Variants in PUM1 observed in about 807,000 individuals in gnomAD.
PUM1 encodes pumilio homolog 1.
Under a neutral mutation model 131.8 loss-of-function variants are expected in PUM1, and 13 were observed. The observed-to-expected ratio is 0.10, with a 90% CI of 0.06 to 0.16. The LOEUF is 0.16. Ranked by LOEUF, PUM1 falls within the 10% of genes least tolerant of loss-of-function variation. PUM1 has a pLI of 1.00. For synonymous variants in PUM1, 509 were observed against 556.5 expected, an observed-to-expected ratio of 0.91 and a Z score of 1.20; for missense variants, 961 against 1,512.4, an observed-to-expected ratio of 0.64 and a Z score of 6.05.
At chr1:30,946,709 A>C (rs888253260) in intron 17 of PUM1, among the ~76,000 whole-genome samples, 1 of 151,002 alleles carries the variant, frequency 6.6e-6, no homozygotes, top group Non-Finnish European at 1.5e-5. Flanking sequence ...AAAAAGATTC[A>C]AAGTACAGTT....
In PUM1 at chr1:30,981,272, C is replaced by T. The variant is rs756075445; in HGVS notation, c.1252+40G>A. 5.3e-6 allele frequency: 7 copies of T among 1,321,790 alleles called. 1 individual carries two copies. The South Asian group carries it at 7.0e-5, about 13-fold the overall frequency. 81.9% of individuals were successfully genotyped at this position (1,321,790 alleles called of 1,614,324 possible). A position where few individuals can be genotyped will look rare whatever the true frequency, so the allele number is the denominator to read the frequency against. On this transcript the variant is annotated intron_variant, in intron 8 of 21. Coordinates refer to ENST00000426105, the MANE Select transcript of PUM1 (RefSeq NM_001020658.2). ...GCAACCAGTTATCCTAAAATGGCGG[C>T]CACACCTATCATGAAAGAGCTATGG...
intron 19 of PUM1, 29 bp from the exon 20 acceptor site, chr1:30,941,301 A>G (rs1287070730): frequency 6.3e-7 from 1 of 1,599,064 alleles, no homozygotes; most frequent in Non-Finnish European, 8.5e-7. Context: ...GAGAAATAAA[A>G]TGTATGTGAA....
At chr1:31,001,509 A>C (rs906510916) in intron 5 of PUM1, among the ~76,000 whole-genome samples, 3 of 152,212 alleles carry the variant, frequency 2.0e-5, no homozygotes, top group African/African-American at 7.2e-5. Context: ...GGCACAGTTG[A>C]AAGCAATACA....
intron 1 of PUM1, among the ~76,000 whole-genome samples, chr1:31,063,896 C>G (rs2039649): frequency 0.28 from 42,715 of 151,818 alleles, 6,426 homozygotes; most frequent in Non-Finnish European, 0.34. Flanking sequence ...AACATGTTAT[C>G]TTGGGTAGTT....
Position 30,942,121 on chromosome 1 carries a change from T to C in PUM1, c.2997A>G (p.Val999=), listed in dbSNP as rs145738294. 2.0e-6 allele frequency: 3 copies of C among 1,529,110 alleles called. No homozygotes were observed. The highest frequency in any genetic ancestry group is 2.7e-6 in the Non-Finnish European group (3 of 1,129,928). The allele number at this position is 1,529,110 out of a possible 1,614,324, so 94.7% of individuals were successfully genotyped here. A position where few individuals can be genotyped will look rare whatever the true frequency, so the allele number is the denominator to read the frequency against. ...QFIIDAFKGQ[V]FALSTHPYGC... is the part of the protein sequence containing the mutation. The stretch of plus-strand genomic sequence containing the variant: ...CATAAGGATGTGTGGATAAGGCAAA[T>C]ACCTAAGGGTAGACAAACACAAATG... Residue 999 remains valine (V), a splice_region_variant and synonymous_variant, in exon 19 of 22, where the codon GTA becomes GTG. Transcript: ENST00000426105.
intron 5 of PUM1, among the ~76,000 whole-genome samples, chr1:31,004,026 T>C (rs1362506555): frequency 1.2e-4 from 18 of 152,214 alleles, no homozygotes; most frequent in Admixed American, 1.2e-3. Flanking sequence ...AGCAGCTCAG[T>C]AAATTATCTT....
At chr1:31,056,142 T>C (rs1644231282) in intron 2 of PUM1, among the ~76,000 whole-genome samples, 1 of 152,172 alleles carries the variant, frequency 6.6e-6, no homozygotes, top group Admixed American at 6.6e-5. Context: ...ACAGGTGTCC[T>C]ATCAAATGTA....
chr1:31,028,714 A>T (rs971999495), intron 3 of PUM1, 82 bp downstream of exon 3: 1 of 1,097,310 alleles, frequency 9.1e-7, no homozygotes, highest in Non-Finnish European at 1.4e-6. Flanking sequence ...TCTGGAGACT[A>T]GATTTGGACA....
intron 10 of PUM1, among the ~76,000 whole-genome samples, chr1:30,972,274 A>G (rs2377663): frequency 0.017 from 336 of 19,788 alleles, no homozygotes; most frequent in East Asian, 0.065. Flanking sequence ...AAAAGAAGGG[A>G]AGGGAAGGGA....
At chr1:31,060,573 T>C (rs1339468960) in intron 1 of PUM1, among the ~76,000 whole-genome samples, 3 of 152,110 alleles carry the variant, frequency 2.0e-5, no homozygotes, top group East Asian at 1.9e-4. Context: ...ATTGTGTAAT[T>C]TGAAAGGATC....
intron 7 of PUM1, 25 bp from the exon 8 acceptor site, chr1:30,981,430 G>T: frequency 1.4e-6 from 2 of 1,464,596 alleles, no homozygotes; most frequent in South Asian, 1.2e-5. Flanking sequence ...AAAACACGGT[G>T]TGGTTAGGGA....
intron 3 of PUM1, among the ~76,000 whole-genome samples, chr1:31,025,146 G>C (rs1027571564): frequency 1.3e-5 from 2 of 152,086 alleles, no homozygotes; most frequent in Non-Finnish European, 2.9e-5. Context: ...CTTGTACTAT[G>C]AGTCCTTCAG....
intron 6 of PUM1, among the ~76,000 whole-genome samples, chr1:30,993,650 G>GC (rs1641881183): frequency 6.6e-6 from 1 of 151,866 alleles, no homozygotes; most frequent in Non-Finnish European, 1.5e-5. Context: ...ACCACCACCA[G>GC]CCCCCATTTA....
intron 17 of PUM1, among the ~76,000 whole-genome samples, chr1:30,949,876 T>C (rs1213142680): frequency 6.6e-6 from 1 of 152,158 alleles, no homozygotes; most frequent in Non-Finnish European, 1.5e-5. Flanking sequence ...ACCTATAAAA[T>C]TGAACCTATT....
rs61778255 is a variant in PUM1 at position 30,966,433 on chromosome 1, G to C, written c.1790-155C>G. ...TCTGTCTTTGATCCCTTCATATGAA[G>C]CTTCTATTTTCTGTTTCTACTTTCA... is the stretch of plus-strand genomic sequence containing the variant. On this transcript the variant is annotated intron_variant, in intron 12 of 21. Coordinates refer to ENST00000426105, the MANE Select transcript of PUM1 (RefSeq NM_001020658.2). 57,687 of 690,646 alleles carry C rather than the reference G, an allele frequency of 0.084. 3,776 individuals carry two copies. The highest frequency in any genetic ancestry group is 0.3 in the East Asian group (10,356 of 35,084). 42.8% of individuals were successfully genotyped at this position (690,646 alleles called of 1,614,324 possible).
chr1:30,986,802 G>C (rs1416613488), intron 7 of PUM1, among the ~76,000 whole-genome samples: 1 of 152,136 alleles, frequency 6.6e-6, no homozygotes, highest in African/African-American at 2.4e-5. Flanking sequence ...CATGACACTT[G>C]ATAGAATAAT....
intron 2 of PUM1, 150 bp from the exon 3 acceptor site, chr1:31,029,014 T>G (rs1018436863): frequency 1.5e-6 from 1 of 662,346 alleles, no homozygotes; most frequent in African/African-American, 1.8e-5. Flanking sequence ...GATTAAACAT[T>G]CACTTACCTT....
At chr1:31,001,356 AGAAAGAGATT>A (rs1425308561) in intron 5 of PUM1, among the ~76,000 whole-genome samples, 1 of 149,614 alleles carries the variant, frequency 6.7e-6, no homozygotes, top group Non-Finnish European at 1.5e-5. Context: ...AGAAAGAGAC[AGAAAGAGATT>A]GTCTCAAAAA....
intron 2 of PUM1, among the ~76,000 whole-genome samples, chr1:31,044,237 T>C (rs1182658105): frequency 6.6e-6 from 1 of 151,840 alleles, no homozygotes; most frequent in Admixed American, 6.6e-5. Context: ...CCGTCTCAAC[T>C]AAAAATACAA....
Sources: gnomAD v4.1 joint callset for allele counts (sites outside exome capture counted in the v4.1 genomes callset) on GRCh38, gnomAD v4.1.1 for gene constraint, MANE v1.5 for transcripts, NCBI Gene and HGNC (gene_info 2026-07-23, HGNC 2026-07-21) for gene names.